The following GRM7 variants were observed in gnomAD, a reference collection of about 807,000 sequenced individuals.
GRM7 encodes the protein metabotropic glutamate receptor 7.
In GRM7, 35 loss-of-function variants were observed where a neutral mutation model predicts 84.5. The observed-to-expected ratio is 0.41, with a 90% CI of 0.32 to 0.55. GRM7 has a LOEUF of 0.55. Among genes scored for constraint, GRM7 ranks in the 20% least tolerant of loss-of-function variants. GRM7 has a pLI of 0.19. For missense variants in GRM7, 1,003 were observed against 1,194.6 expected (o/e 0.84, Z 2.36); for synonymous variants, 487 against 455.1 (o/e 1.07, Z -0.89).
intron 1 of GRM7, among the ~76,000 whole-genome samples, chr3:7,008,742 A>T (rs1559381212): frequency 1.3e-5 from 2 of 152,074 alleles, no homozygotes; most frequent in Non-Finnish European, 2.9e-5. Flanking sequence ...GCCTGAGTAG[A>T]CTCACACAAT....
intron 2 of GRM7, among the ~76,000 whole-genome samples, chr3:7,177,720 T>A (rs1345004204): frequency 1.3e-5 from 2 of 152,128 alleles, no homozygotes; most frequent in Admixed American, 6.6e-5. Context: ...AATCATGATA[T>A]ATAATGTGTT....
At chr3:7,362,995 G>A (rs1463591177) in intron 4 of GRM7, among the ~76,000 whole-genome samples, 1 of 152,032 alleles carries the variant, frequency 6.6e-6, no homozygotes, top group African/African-American at 2.4e-5. Flanking sequence ...GGTGGTACAT[G>A]CCTGTAGTCC....
intron 1 of GRM7, among the ~76,000 whole-genome samples, chr3:7,122,177 G>A (rs1362483582): frequency 3.3e-5 from 5 of 152,184 alleles, no homozygotes; most frequent in African/African-American, 9.7e-5. Flanking sequence ...AGCTTGATAA[G>A]CAGTTGTTCA....
intron 2 of GRM7, among the ~76,000 whole-genome samples, chr3:7,150,463 C>G (rs779433097): frequency 2.6e-4 from 40 of 152,122 alleles, no homozygotes; most frequent in Non-Finnish European, 5.0e-4. Flanking sequence ...ACATGGAAGT[C>G]TAAGCACATT....
chr3:7,460,348 TCTAA>T (rs1377200762), intron 6 of GRM7, among the ~76,000 whole-genome samples: 1 of 152,130 alleles, frequency 6.6e-6, no homozygotes, highest in African/African-American at 2.4e-5. Flanking sequence ...GTTGCCCTCT[TCTAA>T]CTGATATCTA....
At chr3:7,213,173 G>A (rs1231149963) in intron 2 of GRM7, among the ~76,000 whole-genome samples, 1 of 152,114 alleles carries the variant, frequency 6.6e-6, no homozygotes, top group Non-Finnish European at 1.5e-5. Flanking sequence ...AACTTAACCA[G>A]TCAAAAACAA....
intron 6 of GRM7, among the ~76,000 whole-genome samples, chr3:7,456,626 C>T (rs972853816): frequency 2.0e-5 from 3 of 151,914 alleles, no homozygotes; most frequent in Non-Finnish European, 4.4e-5. Context: ...CTTCCTGCAT[C>T]ATTCCTGCTG....
At chr3:7,395,075 A>G (rs900229328) in intron 4 of GRM7, among the ~76,000 whole-genome samples, 3 of 151,910 alleles carry the variant, frequency 2.0e-5, no homozygotes, top group Non-Finnish European at 4.4e-5. Flanking sequence ...CGTATCTTAT[A>G]ACTTACAAAT....
intron 8 of GRM7, chr3:7,607,928 T>C (rs184667915): frequency 5.8e-6 from 1 of 173,086 alleles, no homozygotes; most frequent in South Asian, 9.8e-5. Context: ...GTTCCCTTTT[T>C]TGTGTTCATA....
chr3:7,700,217 C>T (rs1304487196), intron 9 of GRM7, among the ~76,000 whole-genome samples: 1 of 152,104 alleles, frequency 6.6e-6, no homozygotes, highest in African/African-American at 2.4e-5. Context: ...AGTGGATGTC[C>T]CTGAACTCAA....
intron 1 of GRM7, among the ~76,000 whole-genome samples, chr3:7,145,083 C>G (rs1315723554): frequency 4.6e-5 from 7 of 152,086 alleles, no homozygotes; most frequent in African/African-American, 1.4e-4. Context: ...TTTAGGCAAA[C>G]TACAAAGGAA....
chr3:7,658,596 T>C (rs531665120), intron 8 of GRM7, among the ~76,000 whole-genome samples: 2 of 152,284 alleles, frequency 1.3e-5, no homozygotes, highest in South Asian at 4.1e-4. Context: ...GTAAAGCAAG[T>C]TAACGATACC....
intron 1 of GRM7, among the ~76,000 whole-genome samples, chr3:6,946,791 T>G (rs1028852958): frequency 2.0e-5 from 3 of 152,168 alleles, no homozygotes; most frequent in Admixed American, 2.0e-4. Context: ...TGGAATCCTA[T>G]GTATTTTATT....
chr3:7,019,458 CT>C (rs537661299), intron 1 of GRM7, among the ~76,000 whole-genome samples: 239 of 152,328 alleles, frequency 1.6e-3, no homozygotes, highest in African/African-American at 5.1e-3. Flanking sequence ...ATCCCTCTCT[CT>C]CCCCTAAATC....
intron 7 of GRM7, among the ~76,000 whole-genome samples, chr3:7,517,366 T>G (rs1359711053): frequency 5.7e-5 from 4 of 70,400 alleles, no homozygotes; most frequent in African/African-American, 1.6e-4. Flanking sequence ...GTTACTATTA[T>G]TATTAGTAGT....
chr3:7,468,414 A>C (rs538588736), intron 7 of GRM7, among the ~76,000 whole-genome samples: 2 of 152,342 alleles, frequency 1.3e-5, no homozygotes, highest in South Asian at 4.1e-4. Context: ...TTCTACCATT[A>C]CTAGCTGTAA....
At chr3:7,672,800 G>T (rs189112655) in intron 8 of GRM7, among the ~76,000 whole-genome samples, 2,739 of 151,892 alleles carry the variant, frequency 0.018, 86 homozygotes, top group African/African-American at 0.063. Context: ...GTAGAGATGG[G>T]GTTTCACCGT....
chr3:7,555,424 A>T (rs1693711748), intron 7 of GRM7, among the ~76,000 whole-genome samples: 1 of 152,164 alleles, frequency 6.6e-6, no homozygotes, highest in African/African-American at 2.4e-5. Flanking sequence ...GGCTCCCATG[A>T]CAGCCTACAA....
intron 8 of GRM7, among the ~76,000 whole-genome samples, chr3:7,585,634 C>T (rs1695483599): frequency 6.6e-6 from 1 of 152,142 alleles, no homozygotes; most frequent in African/African-American, 2.4e-5. Flanking sequence ...TTGAATCTTC[C>T]TGCCACCTCC....
Sources: gnomAD v4.1 joint callset for allele counts (sites outside exome capture counted in the v4.1 genomes callset) on GRCh38, gnomAD v4.1.1 for gene constraint, MANE v1.5 for transcripts, NCBI Gene and HGNC (gene_info 2026-07-23, HGNC 2026-07-21) for gene names.